The following GRIN2A variants were observed in gnomAD, a reference collection of about 807,000 sequenced individuals.
GRIN2A encodes glutamate ionotropic receptor NMDA type subunit 2A.
Under a neutral mutation model 113.4 loss-of-function variants are expected in GRIN2A, and 22 were observed. That is an observed-to-expected ratio of 0.19 (90% CI 0.14 to 0.28). GRIN2A has a LOEUF of 0.28. GRIN2A is among the 10% of genes least tolerant of loss of function. GRIN2A has a pLI of 1.00. For missense variants in GRIN2A, 1,502 were observed against 1,887.0 expected (o/e 0.80, Z 3.78); for synonymous variants, 827 against 738.4 (o/e 1.12, Z -1.94).
intron 2 of GRIN2A, among the ~76,000 whole-genome samples, chr16:10,032,460 C>T (rs567761286): frequency 2.6e-5 from 4 of 152,208 alleles, no homozygotes; most frequent in South Asian, 2.1e-4. Context: ...TTTCTTTTAG[C>T]GCCTTTTGCA....
chr16:10,122,741 A>G, intron 2 of GRIN2A, among the ~76,000 whole-genome samples: 1 of 152,154 alleles, frequency 6.6e-6, no homozygotes, highest in East Asian at 1.9e-4. Flanking sequence ...CCTGCTGGAG[A>G]GCCAACCTGA....
intron 2 of GRIN2A, among the ~76,000 whole-genome samples, chr16:10,035,349 C>G (rs1337562163): frequency 6.6e-6 from 1 of 152,142 alleles, no homozygotes; most frequent in Non-Finnish European, 1.5e-5. Flanking sequence ...CACCATGTGT[C>G]TGTACTTCCT....
chr16:9,881,011 A>G (rs1353433695), intron 4 of GRIN2A, among the ~76,000 whole-genome samples: 1 of 152,206 alleles, frequency 6.6e-6, no homozygotes, highest in Admixed American at 6.5e-5. Flanking sequence ...TGACTTGCAC[A>G]TAGTGAGTGC....
At chr16:9,768,460 G>A (rs1409701971) in intron 12 of GRIN2A, among the ~76,000 whole-genome samples, 1 of 152,184 alleles carries the variant, frequency 6.6e-6, no homozygotes, top group South Asian at 2.1e-4. Flanking sequence ...TGATAATATT[G>A]ACTCTACATT....
chr16:9,769,328 T>C (rs897109283), intron 11 of GRIN2A: 1 of 224,960 alleles, frequency 4.4e-6, no homozygotes, highest in Admixed American at 5.0e-5. Context: ...GAATATAATA[T>C]ATATATAGAG....
intron 4 of GRIN2A, among the ~76,000 whole-genome samples, chr16:9,872,184 A>G (rs2043275749): frequency 6.6e-6 from 1 of 152,176 alleles, no homozygotes; most frequent in Admixed American, 6.5e-5. Flanking sequence ...GCTGTTGGAA[A>G]CAAAGAATGA....
chr16:9,819,257 C>G (rs912732840), intron 10 of GRIN2A, among the ~76,000 whole-genome samples: 5 of 152,118 alleles, frequency 3.3e-5, no homozygotes, highest in African/African-American at 1.2e-4. Flanking sequence ...TAGTGACTCA[C>G]TCCTGTAATC....
chr16:9,914,552 T>C (rs933421807), intron 3 of GRIN2A, among the ~76,000 whole-genome samples: 1 of 152,220 alleles, frequency 6.6e-6, no homozygotes, highest in South Asian at 2.1e-4. Flanking sequence ...AATTTCCCAA[T>C]GCACAAGTTC....
At chr16:10,059,284 T>C (rs537962045) in intron 2 of GRIN2A, among the ~76,000 whole-genome samples, 1 of 151,696 alleles carries the variant, frequency 6.6e-6, no homozygotes, top group East Asian at 1.9e-4. Context: ...CATTATATTG[T>C]TTTAAAAGAT....
chr16:10,023,458 T>C (rs951766269), intron 2 of GRIN2A, among the ~76,000 whole-genome samples: 1 of 152,218 alleles, frequency 6.6e-6, no homozygotes. Flanking sequence ...AGGTTTAAGA[T>C]TTGATTAGTA....
At chr16:9,853,096 C>T (rs1034366976) in intron 4 of GRIN2A, among the ~76,000 whole-genome samples, 4 of 152,102 alleles carry the variant, frequency 2.6e-5, no homozygotes, top group Admixed American at 1.3e-4. Context: ...GGAGGTGACA[C>T]TTAAGCTGAA....
intron 2 of GRIN2A, among the ~76,000 whole-genome samples, chr16:10,044,381 G>A (rs2047224150): frequency 6.6e-6 from 1 of 151,690 alleles, no homozygotes; most frequent in Admixed American, 6.6e-5. Context: ...AAAATCATGT[G>A]TACATGGCTT....
intron 3 of GRIN2A, among the ~76,000 whole-genome samples, chr16:9,894,918 CATCT>C (rs1359646543): frequency 2.0e-5 from 3 of 152,118 alleles, no homozygotes; most frequent in Non-Finnish European, 4.4e-5. Context: ...TCCATTCATC[CATCT>C]ATCAATACAT....
intron 2 of GRIN2A, among the ~76,000 whole-genome samples, chr16:10,105,861 C>T (rs575031579): frequency 2.0e-5 from 3 of 152,268 alleles, no homozygotes; most frequent in South Asian, 4.1e-4. Flanking sequence ...CAGCTAAGAT[C>T]GTGCCACTGC....
At chr16:9,965,336 A>AC (rs2045533206) in intron 2 of GRIN2A, among the ~76,000 whole-genome samples, 1 of 152,196 alleles carries the variant, frequency 6.6e-6, no homozygotes, top group Non-Finnish European at 1.5e-5. Flanking sequence ...AACTTTGTTA[A>AC]CCATTTGCAA....
At chr16:9,860,657 T>C (rs560530534) in intron 4 of GRIN2A, among the ~76,000 whole-genome samples, 2 of 152,132 alleles carry the variant, frequency 1.3e-5, no homozygotes, top group East Asian at 1.9e-4. Context: ...AGCTAGAAGA[T>C]TCGGAAGGCA....
intron 2 of GRIN2A, among the ~76,000 whole-genome samples, chr16:10,160,165 C>A (rs1458622989): frequency 2.0e-5 from 3 of 152,164 alleles, no homozygotes; most frequent in African/African-American, 7.2e-5. Flanking sequence ...CTGTAGTAAA[C>A]TAATACAATC....
intron 11 of GRIN2A, among the ~76,000 whole-genome samples, chr16:9,787,071 T>C (rs975800698): frequency 1.3e-5 from 2 of 152,212 alleles, no homozygotes; most frequent in Non-Finnish European, 2.9e-5. Context: ...CAAATATGTT[T>C]CTTTGCCGTA....
intron 3 of GRIN2A, among the ~76,000 whole-genome samples, chr16:9,913,920 G>A (rs1018862392): frequency 1.3e-5 from 2 of 151,918 alleles, no homozygotes; most frequent in Non-Finnish European, 2.9e-5. Context: ...GAGGGATATT[G>A]TATTTCACCC....
Sources: gnomAD v4.1 joint callset for allele counts (sites outside exome capture counted in the v4.1 genomes callset) on GRCh38, gnomAD v4.1.1 for gene constraint, MANE v1.5 for transcripts, NCBI Gene and HGNC (gene_info 2026-07-23, HGNC 2026-07-21) for gene names.